Variants in VPS13B observed in about 807,000 individuals in gnomAD.
The protein encoded by VPS13B is vacuolar protein sorting 13 homolog B.
A neutral mutation model predicts 426.4 loss-of-function variants in VPS13B; 285 were observed. That is an observed-to-expected ratio of 0.67 (90% CI 0.61 to 0.74). The LOEUF is 0.74. VPS13B is among the 30% of genes least tolerant of loss of function. VPS13B has a pLI of 0.00. For missense variants in VPS13B, 4,537 were observed against 4,782.6 expected (o/e 0.95, Z 1.51); for synonymous variants, 1,676 against 1,676.4 (o/e 1.00, Z 0.01).
Position 99,274,404 on chromosome 8 carries a change from G to A in VPS13B, c.2650+72G>A, listed in dbSNP as rs111758170. 9.1e-5 allele frequency: 146 copies of A among 1,606,472 alleles called. 1 individual carries two copies. Among genetic ancestry groups the A allele is most frequent in the African/African-American group, 6.5e-4 (49 of 74,842 alleles). On this transcript the variant is annotated intron_variant, in intron 18 of 61. Transcript: ENST00000357162. Reference sequence around the variant, plus strand: ...ATTGGCCTTGCGTTTTACAAGGAGCGTTACTGAAACAAGAATTTACTCACT... The same window carrying A: ...ATTGGCCTTGCGTTTTACAAGGAGCATTACTGAAACAAGAATTTACTCACT...
intron 17 of VPS13B, among the ~76,000 whole-genome samples, chr8:99,266,849 G>A (rs1406189700): frequency 2.6e-5 from 4 of 152,162 alleles, no homozygotes; most frequent in Non-Finnish European, 5.9e-5. Context: ...CAGCTATGTA[G>A]AACTGTGAGT....
At chr8:99,522,484 C>T (rs1355476874) in intron 30 of VPS13B, among the ~76,000 whole-genome samples, 1 of 152,138 alleles carries the variant, frequency 6.6e-6, no homozygotes, top group Non-Finnish European at 1.5e-5. Flanking sequence ...TTCCTTCTGT[C>T]TGTCTTGCAA....
At chr8:99,501,292 A>G (rs75505375) in intron 25 of VPS13B, among the ~76,000 whole-genome samples, 3,161 of 152,310 alleles carry the variant, frequency 0.021, 118 homozygotes, top group African/African-American at 0.072. Flanking sequence ...AACTCTGCTG[A>G]AAAGAAGTCA....
intron 33 of VPS13B, among the ~76,000 whole-genome samples, chr8:99,599,509 C>T (rs1827184627): frequency 6.6e-6 from 1 of 152,016 alleles, no homozygotes. Context: ...AATGAGCAGG[C>T]TGTTCAAAAT....
At chr8:99,759,894 AT>A (rs2130585395) in intron 39 of VPS13B, among the ~76,000 whole-genome samples, 1 of 152,154 alleles carries the variant, frequency 6.6e-6, no homozygotes, top group South Asian at 2.1e-4. Flanking sequence ...AGCTATCAAC[AT>A]TTCTAGCTTA....
At chr8:99,800,803 TAG>T (rs990576643) in intron 43 of VPS13B, among the ~76,000 whole-genome samples, 8 of 152,268 alleles carry the variant, frequency 5.3e-5, no homozygotes, top group Non-Finnish European at 1.0e-4. Context: ...TTCTTGAATT[TAG>T]AGTTGTGTTT....
At chr8:99,372,335 T>C (rs1813238628) in intron 19 of VPS13B, among the ~76,000 whole-genome samples, 1 of 151,732 alleles carries the variant, frequency 6.6e-6, no homozygotes, top group Non-Finnish European at 1.5e-5. Flanking sequence ...ACTAAAGAAC[T>C]TCTGCACAGC....
chr8:99,358,240 A>G lies in VPS13B; in HGVS notation c.2825-25968A>G, dbSNP rs75736489. Among the ~76,000 whole-genome samples, 29 of 152,324 alleles carry G rather than the reference A, an allele frequency of 1.9e-4. No individual in the cohort carries two copies. The East Asian group carries it at 5.6e-3, about 29-fold the overall frequency. On this transcript the variant is annotated intron_variant, in intron 19 of 61. Transcript: ENST00000357162. ...TTGTGAGGAAACTCCATGTTTTTCT[A>G]AGAGTCCATTACATTCAGAAGATGA...
At chr8:99,782,412 C>G (rs1812066197) in intron 42 of VPS13B, among the ~76,000 whole-genome samples, 1 of 151,882 alleles carries the variant, frequency 6.6e-6, no homozygotes, top group African/African-American at 2.4e-5. Context: ...CATAATGGTA[C>G]AAATTAACAA....
At chr8:99,471,388 GA>G (rs1479863739) in intron 24 of VPS13B, among the ~76,000 whole-genome samples, 1 of 152,082 alleles carries the variant, frequency 6.6e-6, no homozygotes, top group Non-Finnish European at 1.5e-5. Flanking sequence ...TGGAGTAAAA[GA>G]ATCTATGGTT....
Position 99,327,680 on chromosome 8 carries a change from C to T in VPS13B, c.2824+52426C>T, listed in dbSNP as rs539010740. ...TGGTGGCATGGAATGTTTATGTATC[C>T]CCTGCCCACTTTACAGATGACTAAC... On this transcript the variant is annotated intron_variant, in intron 19 of 61. Coordinates refer to ENST00000357162, the MANE Select transcript of VPS13B (RefSeq NM_152564.5). Among the ~76,000 whole-genome samples, 8 of 152,160 alleles carry T rather than the reference C, an allele frequency of 5.3e-5. No individual in the cohort carries two copies. The South Asian group carries it at 1.7e-3, about 32-fold the overall frequency.
intron 17 of VPS13B, among the ~76,000 whole-genome samples, chr8:99,200,330 T>A (rs542998283): frequency 6.6e-6 from 1 of 152,334 alleles, no homozygotes; most frequent in East Asian, 1.9e-4. Context: ...TGTTTCTACT[T>A]CTGAATATTG....
chr8:99,371,604 G>A (rs761150323), intron 19 of VPS13B, among the ~76,000 whole-genome samples: 38 of 152,188 alleles, frequency 2.5e-4, no homozygotes, highest in Non-Finnish European at 4.1e-4. Flanking sequence ...TTCCAATTCT[G>A]CAAAGAAAGT....
chr8:99,621,622 C>T (rs963880667), intron 33 of VPS13B, among the ~76,000 whole-genome samples: 6 of 151,964 alleles, frequency 3.9e-5, no homozygotes, highest in Admixed American at 6.6e-5. Context: ...TTGCAGAATT[C>T]GCTATAACAG....
At chr8:99,495,894 G>C (rs959665048) in intron 25 of VPS13B, among the ~76,000 whole-genome samples, 1 of 152,138 alleles carries the variant, frequency 6.6e-6, no homozygotes, top group Admixed American at 6.6e-5. Context: ...CGGTTGAGGC[G>C]TCTGGTGAGT....
intron 19 of VPS13B, among the ~76,000 whole-genome samples, chr8:99,300,583 G>A (rs898593059): frequency 2.0e-5 from 3 of 152,104 alleles, no homozygotes; most frequent in African/African-American, 7.2e-5. Flanking sequence ...AGGTTTCCAC[G>A]TCCTTACTTG....
At chr8:99,732,450 C>T (rs534217553) in intron 39 of VPS13B, among the ~76,000 whole-genome samples, 2 of 152,350 alleles carry the variant, frequency 1.3e-5, no homozygotes, top group South Asian at 2.1e-4. Context: ...CACACACTGT[C>T]CTGCTGTGCT....
chr8:99,744,684 G>T (rs567519646), intron 39 of VPS13B, among the ~76,000 whole-genome samples: 1 of 152,080 alleles, frequency 6.6e-6, no homozygotes, highest in African/African-American at 2.4e-5. Context: ...CATGGATGAA[G>T]CTGGAAACCA....
At chr8:99,040,533 C>A (rs1017958996) in intron 3 of VPS13B, among the ~76,000 whole-genome samples, 1 of 152,096 alleles carries the variant, frequency 6.6e-6, no homozygotes, top group East Asian at 1.9e-4. Flanking sequence ...TTAAATTTTG[C>A]GTAAAAACAT....
Sources: gnomAD v4.1 joint callset for allele counts (sites outside exome capture counted in the v4.1 genomes callset) on GRCh38, gnomAD v4.1.1 for gene constraint, MANE v1.5 for transcripts, NCBI Gene and HGNC (gene_info 2026-07-23, HGNC 2026-07-21) for gene names.